The following LYPD1 variants were observed in gnomAD, a reference collection of about 807,000 sequenced individuals.
LYPD1 encodes the protein LY6/PLAUR domain containing 1.
In LYPD1, 14 loss-of-function variants were observed where a neutral mutation model predicts 14.2. The observed-to-expected ratio is 0.99, with a 90% CI of 0.65 to 1.54. LYPD1 has a LOEUF of 1.54. Ranked by LOEUF, LYPD1 falls within the 40% of genes most tolerant of loss-of-function variation. The pLI, the probability that LYPD1 is intolerant of heterozygous loss-of-function variation, is 0.00. For missense variants in LYPD1, 165 were observed against 175.7 expected (o/e 0.94, Z 0.34); for synonymous variants, 85 against 70.6 (o/e 1.20, Z -1.02).
In LYPD1 at chr2:132,646,219, G is replaced by A; in HGVS notation, c.252C>T (p.Tyr84=). Residue 84 remains tyrosine, a synonymous_variant, in exon 3 of 3, where the codon TAC becomes TAT. Coordinates refer to ENST00000397463, the MANE Select transcript of LYPD1 (RefSeq NM_144586.7). ...SAACLIASAG[Y]QSFCSPGKLN... ...GTTTCCCTGGGGAGCAGAAGGACTGGTACCCGGCAGAGGCGATGAGACAGG... is the reference window on the plus strand; with the variant it reads ...GTTTCCCTGGGGAGCAGAAGGACTGATACCCGGCAGAGGCGATGAGACAGG... 6.2e-7 allele frequency: 1 copy of A among 1,601,308 alleles called. No homozygotes were observed. Among genetic ancestry groups the A allele is most frequent in the Non-Finnish European group, 8.5e-7 (1 of 1,172,518 alleles).
intron 2 of LYPD1, among the ~76,000 whole-genome samples, chr2:132,658,044 T>A (rs1430630): frequency 4.6e-5 from 7 of 152,090 alleles, no homozygotes; most frequent in Admixed American, 2.0e-4. Flanking sequence ...CTTTGGAAAC[T>A]CTTTTGCGTT....
At chr2:132,652,105 G>T (rs753041260) in intron 2 of LYPD1, among the ~76,000 whole-genome samples, 1 of 152,278 alleles carries the variant, frequency 6.6e-6, no homozygotes, top group African/African-American at 2.4e-5. Flanking sequence ...AAGAACAGAG[G>T]GGGGACATCG....
chr2:132,667,546 C>G (rs1016325739), intron 2 of LYPD1, among the ~76,000 whole-genome samples: 4 of 152,216 alleles, frequency 2.6e-5, no homozygotes, highest in African/African-American at 7.2e-5. Context: ...GGTTCATTCA[C>G]TATCAGCCAT....
At chr2:132,660,838 G>A (rs58247776) in intron 2 of LYPD1, among the ~76,000 whole-genome samples, 8,786 of 152,216 alleles carry the variant, frequency 0.058, 842 homozygotes, top group African/African-American at 0.2. Flanking sequence ...TTTGGTTTGG[G>A]GGACAAAAGC....
At chr2:132,649,603 G>A (rs1265720303) in intron 2 of LYPD1, among the ~76,000 whole-genome samples, 2 of 152,096 alleles carry the variant, frequency 1.3e-5, no homozygotes, top group Admixed American at 6.5e-5. Context: ...TGGCCCTGAG[G>A]TTTAGGCACG....
Position 132,669,164 on chromosome 2 carries a change from A to T in LYPD1, c.53-627T>A, listed in dbSNP as rs1683476942. Among the ~76,000 whole-genome samples the T allele has an allele frequency of 6.6e-6, 1 of 152,044 alleles. No individual in the cohort carries two copies. The highest frequency in any genetic ancestry group is 1.5e-5 in the Non-Finnish European group (1 of 68,006). ...CGTCCCCGCGGCGACCCGAATGGCC[A>T]CAGAGGGTGGGAAAGGGCGTTTGTG... On this transcript the variant is annotated intron_variant, in intron 1 of 2. Transcript: ENST00000397463. The surrounding 1 kb of genome is among the most constrained non-coding windows in gnomAD (Gnocchi z 4.3).
In LYPD1 at chr2:132,646,213, G is replaced by A; in HGVS notation, c.258C>T (p.Ser86=). The change falls in exon 3 of 3, where the codon TCC becomes TCT. Residue 86 remains serine, a synonymous_variant. Coordinates refer to ENST00000397463, the MANE Select transcript of LYPD1 (RefSeq NM_144586.7). ...ACLIASAGYQ[S]FCSPGKLNSV... is the part of the protein sequence containing the mutation. ...AGTTCAGTTTCCCTGGGGAGCAGAA[G>A]GACTGGTACCCGGCAGAGGCGATGA... The A allele has an allele frequency of 2.5e-6, 4 of 1,604,902 alleles. No individual in the cohort carries two copies. The highest frequency in any genetic ancestry group is 2.6e-6 in the Non-Finnish European group (3 of 1,174,784).
rs535508826 is a variant in LYPD1, at chr2:132,643,666, TG to T, written c.*2378del. Among the ~76,000 whole-genome samples the T allele has an allele frequency of 7.0e-4, 107 of 152,316 alleles. 1 individual carries two copies. The highest frequency in any genetic ancestry group is 2.5e-3 in the African/African-American group (104 of 41,554). Reference sequence around the variant, plus strand: ...AAGTATCTGAGACCACAGGTGTGTATGTACCACCATGCCTGGCTAAGTTTTT... The same window carrying T: ...AAGTATCTGAGACCACAGGTGTGTATTACCACCATGCCTGGCTAAGTTTTT... On this transcript the variant is annotated 3_prime_UTR_variant, in exon 3 of 3. Coordinates refer to ENST00000397463, the MANE Select transcript of LYPD1 (RefSeq NM_144586.7).
Position 132,668,550 on chromosome 2 carries a change from C to A in LYPD1, c.53-13G>T. ...TGCAGCGCAAAGCCTGCGAGACAGACGCAGTCGGGTTCAGATCCGGCCCCC... is the reference window on the plus strand; with the variant it reads ...TGCAGCGCAAAGCCTGCGAGACAGAAGCAGTCGGGTTCAGATCCGGCCCCC... On this transcript the variant is annotated splice_polypyrimidine_tract_variant and intron_variant, in intron 1 of 2. Coordinates refer to ENST00000397463, the MANE Select transcript of LYPD1 (RefSeq NM_144586.7). The A allele has an allele frequency of 6.2e-7, 1 of 1,610,758 alleles. No individual in the cohort carries two copies. Among genetic ancestry groups the A allele is most frequent in the South Asian group, 1.1e-5 (1 of 90,494 alleles).
At chr2:132,646,321 G>T (rs772076718) in intron 2 of LYPD1, 41 bp from the exon 3 acceptor site, 1 of 1,339,052 alleles carries the variant, frequency 7.5e-7, no homozygotes, top group South Asian at 1.9e-5. Flanking sequence ...ACGTGCACCG[G>T]CAAAAGAATA....
rs1164571063 is a variant in LYPD1 at position 132,644,571 on chromosome 2, A to G, written c.*1474T>C. On this transcript the variant is annotated 3_prime_UTR_variant, in exon 3 of 3. Transcript: ENST00000397463. ...TATTCCTGACTTTGCTTCCCCTGAA[A>G]CTGAATGCAAAACCAGTGTCATTAA... Among the ~76,000 whole-genome samples the G allele has an allele frequency of 6.6e-6, 1 of 152,188 alleles. No individual in the cohort carries two copies.
chr2:132,657,210 C>T (rs1401745761), intron 2 of LYPD1, among the ~76,000 whole-genome samples: 6 of 152,186 alleles, frequency 3.9e-5, no homozygotes, highest in Non-Finnish European at 7.3e-5. Context: ...TGGTTTTACT[C>T]TAGTCTTGCA....
Position 132,645,788 on chromosome 2 carries a change from C to G in LYPD1, c.*257G>C, listed in dbSNP as rs1403939400. 1.2e-6 allele frequency: 1 copy of G among 848,758 alleles called. No homozygotes were observed. The highest frequency in any genetic ancestry group is 1.8e-6 in the Non-Finnish European group (1 of 564,896). 52.6% of individuals were successfully genotyped at this position (848,758 alleles called of 1,614,324 possible). A position where few individuals can be genotyped will look rare whatever the true frequency, so the allele number is the denominator to read the frequency against. On this transcript the variant is annotated 3_prime_UTR_variant, in exon 3 of 3. Transcript: ENST00000397463. ...TGACTCTGCCAGCCTGGCCTTGACT[C>G]CGGTTACACAGACATGGGGGTGAAC...
intron 2 of LYPD1, among the ~76,000 whole-genome samples, chr2:132,647,206 C>A (rs913504620): frequency 1.3e-5 from 2 of 152,198 alleles, no homozygotes; most frequent in Admixed American, 6.5e-5. Context: ...CTCATGATTA[C>A]CCCCATTTTA....
intron 2 of LYPD1, among the ~76,000 whole-genome samples, chr2:132,658,447 G>C (rs917069956): frequency 3.3e-5 from 5 of 152,174 alleles, no homozygotes; most frequent in Non-Finnish European, 7.3e-5. Context: ...CTAATGAAGG[G>C]ATGGAAAATG....
chr2:132,658,709 G>A (rs2104914092), intron 2 of LYPD1, among the ~76,000 whole-genome samples: 1 of 152,096 alleles, frequency 6.6e-6, no homozygotes, highest in South Asian at 2.1e-4. Flanking sequence ...TGGTTTAGAA[G>A]TATATCCCTC....
At chr2:132,652,006 T>A (rs995498524) in intron 2 of LYPD1, among the ~76,000 whole-genome samples, 1 of 152,308 alleles carries the variant, frequency 6.6e-6, no homozygotes, top group African/African-American at 2.4e-5. Flanking sequence ...GGCTGGGTTC[T>A]AGCTGGACAT....
At chr2:132,649,498 G>A (rs1286926750) in intron 2 of LYPD1, among the ~76,000 whole-genome samples, 1 of 152,192 alleles carries the variant, frequency 6.6e-6, no homozygotes, top group Non-Finnish European at 1.5e-5. Context: ...GGAGGTGCAG[G>A]GACAAACGGG....
At chr2:132,670,690 C>T (rs889716630), upstream of LYPD1, among the ~76,000 whole-genome samples, 2 of 152,180 alleles carry the variant, frequency 1.3e-5, no homozygotes, top group African/African-American at 4.8e-5. This position sits in a 1 kb window ranked among gnomAD's most constrained non-coding sequence, Gnocchi z 4.5. Context: ...CGCGCGTTCC[C>T]GTGCGCCTGG....
Sources: allele counts gnomAD v4.1 joint callset (sites outside exome capture counted in the v4.1 genomes callset), GRCh38; gene constraint gnomAD v4.1.1; non-coding constraint Gnocchi (gnomAD v3.1); transcripts MANE v1.5; gene names NCBI Gene and HGNC (gene_info 2026-07-23, HGNC 2026-07-21).